The following BIN3 variants were observed in gnomAD, a reference collection of about 807,000 sequenced individuals.
BIN3 encodes the protein bridging integrator 3.
A neutral mutation model predicts 38.2 loss-of-function variants in BIN3; 41 were observed. The ratio of observed to expected loss-of-function variants is 1.07; its 90% confidence interval spans 0.84 to 1.39. The LOEUF (loss-of-function observed/expected upper bound fraction) is 1.39, where lower values mean the gene tolerates loss of function less well. Among genes scored for constraint, BIN3 ranks in the 40% most tolerant of loss-of-function variants. The pLI is 0.00. For synonymous variants in BIN3, 145 were observed against 122.6 expected (o/e 1.18, Z -1.21); for missense variants, 361 against 324.3 (o/e 1.11, Z -0.87).
At chr8:22,660,542 G>C (rs933400309) in intron 1 of BIN3, among the ~76,000 whole-genome samples, 2 of 152,186 alleles carry the variant, frequency 1.3e-5, no homozygotes, top group African/African-American at 4.8e-5. Context: ...GAAAGCAAGA[G>C]GTAGAAGGAA....
intron 1 of BIN3, among the ~76,000 whole-genome samples, chr8:22,652,114 T>C (rs1253278806): frequency 1.3e-5 from 2 of 152,146 alleles, no homozygotes; most frequent in African/African-American, 2.4e-5. Flanking sequence ...CTGAGGATCT[T>C]AACAACAGCT....
Position 22,624,054 on chromosome 8 carries a change from GGAACAAGACCTGGGT to G in BIN3, c.481-20_481-6del. The stretch of plus-strand genomic sequence containing the variant: ...AGGCCGCAGCTCCTCTCGTGCCTAG[GGAACAAGACCTGGGT>G]GTCAAAACTCTCTCACTGCTGGGTG... On this transcript the variant is annotated splice_region_variant and splice_polypyrimidine_tract_variant and intron_variant, in intron 7 of 8. Coordinates refer to ENST00000276416, the MANE Select transcript of BIN3 (RefSeq NM_018688.6). The G allele has an allele frequency of 6.2e-7, 1 of 1,610,376 alleles. No homozygotes were observed. Among genetic ancestry groups the G allele is most frequent in the Non-Finnish European group, 8.5e-7 (1 of 1,178,352 alleles).
chr8:22,636,422 C>T (rs1802366521), intron 4 of BIN3, 103 bp downstream of exon 4: 6 of 1,239,048 alleles, frequency 4.8e-6, no homozygotes, highest in Non-Finnish European at 6.9e-6. Context: ...GGTACACGTC[C>T]TCTGAGCGCA....
At chr8:22,634,141 C>A (rs1802293009) in intron 4 of BIN3, among the ~76,000 whole-genome samples, 1 of 152,244 alleles carries the variant, frequency 6.6e-6, no homozygotes, top group African/African-American at 2.4e-5. Flanking sequence ...AGCAATGGCT[C>A]ACAGCAGCTC....
rs1803126484 is a variant in BIN3 at position 22,658,338 on chromosome 8, GAA to G, written c.8+10704_8+10705del. ...AGATTCTATTTTCTTTCATAATAAAGAAAAAGTCAACAGGATGTTCTCCAAAG... is the reference window on the plus strand; with the variant it reads ...AGATTCTATTTTCTTTCATAATAAAGAAAGTCAACAGGATGTTCTCCAAAG... On this transcript the variant is annotated intron_variant, in intron 1 of 8. Transcript: ENST00000276416. Among the ~76,000 whole-genome samples, 2 of 152,138 alleles carry G rather than the reference GAA, an allele frequency of 1.3e-5. 1 individual carries two copies. The highest frequency in any genetic ancestry group is 4.1e-4 in the South Asian group (2 of 4,834).
rs1194755786 is a variant in BIN3, at chr8:22,630,095, G to A, written c.298-91C>T. The A allele has an allele frequency of 3.0e-6, 4 of 1,321,812 alleles. No individual in the cohort carries two copies. In the African/African-American group the frequency reaches 4.4e-5, roughly 14 times the overall value. 81.9% of individuals were successfully genotyped at this position (1,321,812 alleles called of 1,614,324 possible). ...CCCCTAACTACCAAAGGGCTAGGAA[G>A]TCTAAAGGGCCACAGGGTGCTGTCC... On this transcript the variant is annotated intron_variant, in intron 5 of 8. Transcript: ENST00000276416.
At chr8:22,658,253 C>T (rs1803122563) in intron 1 of BIN3, among the ~76,000 whole-genome samples, 1 of 152,096 alleles carries the variant, frequency 6.6e-6, no homozygotes, top group Admixed American at 6.5e-5. Flanking sequence ...CTCCAACCCC[C>T]AACTGCCCCA....
chr8:22,660,936 G>C (rs897496977), intron 1 of BIN3, among the ~76,000 whole-genome samples: 1 of 152,124 alleles, frequency 6.6e-6, no homozygotes, highest in Non-Finnish European at 1.5e-5. Context: ...CCAGGCTGAG[G>C]TGCAGTGGTG....
At chr8:22,647,623 T>C (rs535324426) in intron 1 of BIN3, among the ~76,000 whole-genome samples, 10 of 152,260 alleles carry the variant, frequency 6.6e-5, no homozygotes, top group African/African-American at 2.4e-4. Flanking sequence ...TGGAAGTGAA[T>C]GGGAGGACGT....
intron 1 of BIN3, among the ~76,000 whole-genome samples, chr8:22,652,906 G>C (rs1429840780): frequency 3.3e-5 from 5 of 152,104 alleles, no homozygotes; most frequent in Admixed American, 3.3e-4. Flanking sequence ...CATTTTCTTA[G>C]AGTAAAAAAG....
At chr8:22,622,353 CT>C (rs1801852645) in intron 8 of BIN3, among the ~76,000 whole-genome samples, 2 of 152,244 alleles carry the variant, frequency 1.3e-5, no homozygotes, top group Non-Finnish European at 1.5e-5. Context: ...CTAAGGGGAC[CT>C]TGTGGGAAAT....
intron 1 of BIN3, among the ~76,000 whole-genome samples, chr8:22,662,775 A>G (rs1047333373): frequency 6.6e-6 from 1 of 152,202 alleles, no homozygotes; most frequent in Non-Finnish European, 1.5e-5. Flanking sequence ...GAAATTAAAA[A>G]ATCATATGCA....
At chr8:22,656,349 T>C (rs2117586625) in intron 1 of BIN3, among the ~76,000 whole-genome samples, 1 of 152,238 alleles carries the variant, frequency 6.6e-6, no homozygotes, top group Admixed American at 6.5e-5. Flanking sequence ...AGTTTTATAT[T>C]TTTGGTTATA....
At chr8:22,636,896 C>A in intron 3 of BIN3, 26 bp downstream of exon 3, 2 of 1,608,970 alleles carry the variant, frequency 1.2e-6, no homozygotes, top group East Asian at 2.2e-5. Flanking sequence ...TGCCTCCCAC[C>A]TCATCTTTCT....
At position 22,621,655 on chromosome 8, in the gene BIN3, C is replaced by T; in HGVS notation, c.616-87G>A. 3 of 1,372,860 alleles carry T rather than the reference C, an allele frequency of 2.2e-6. No homozygotes were observed. The South Asian group carries it at 3.7e-5, about 17-fold the overall frequency. 85.0% of individuals were successfully genotyped at this position (1,372,860 alleles called of 1,614,324 possible). On this transcript the variant is annotated intron_variant, in intron 8 of 8. Coordinates refer to ENST00000276416, the MANE Select transcript of BIN3 (RefSeq NM_018688.6). ...CAGAGGCTCACACTTCTCTGCTACC[C>T]CCTGCCCTTACCCATCTGGAGCTGT...
intron 1 of BIN3, among the ~76,000 whole-genome samples, chr8:22,647,441 C>T (rs1002788782): frequency 6.6e-6 from 1 of 152,216 alleles, no homozygotes; most frequent in African/African-American, 2.4e-5. Flanking sequence ...ACTCTGCTGG[C>T]TCACAAGAGA....
At chr8:22,644,435 GAA>G (rs1314557883) in intron 2 of BIN3, among the ~76,000 whole-genome samples, 1 of 152,244 alleles carries the variant, frequency 6.6e-6, no homozygotes, top group Non-Finnish European at 1.5e-5. Flanking sequence ...ACACTCTTAG[GAA>G]AAGTATAGAC....
intron 1 of BIN3, among the ~76,000 whole-genome samples, chr8:22,665,549 T>C (rs1447997614): frequency 6.6e-6 from 1 of 152,168 alleles, no homozygotes; most frequent in Non-Finnish European, 1.5e-5. Context: ...AGGTGAAGCG[T>C]GGCCTGACTC....
At chr8:22,623,847 T>C in intron 8 of BIN3, 68 bp downstream of exon 8, 2 of 1,541,914 alleles carry the variant, frequency 1.3e-6, no homozygotes, top group Non-Finnish European at 1.8e-6. Flanking sequence ...ACCCTTCCAG[T>C]GTGGGTGACA....
Sources: allele counts gnomAD v4.1 joint callset (sites outside exome capture counted in the v4.1 genomes callset), GRCh38; gene constraint gnomAD v4.1.1; transcripts MANE v1.5; gene names NCBI Gene and HGNC (gene_info 2026-07-23, HGNC 2026-07-21).